Variants in TESC observed in about 807,000 individuals in gnomAD.
TESC encodes the protein tescalcin, also known as calcineurin B homologous protein 3.
Under a neutral mutation model 31.0 loss-of-function variants are expected in TESC, and 19 were observed. The observed-to-expected ratio is 0.61, with a 90% CI of 0.43 to 0.90. TESC has a LOEUF of 0.90. TESC is among the 40% of genes least tolerant of loss of function. The pLI, the probability that TESC is intolerant of heterozygous loss-of-function variation, is 0.00. For missense variants in TESC, 248 were observed against 303.8 expected (o/e 0.82, Z 1.36); for synonymous variants, 109 against 114.8 (o/e 0.95, Z 0.32).
At chr12:117,075,924 T>TGTGTGTATAC (rs1565971709) in intron 1 of TESC, among the ~76,000 whole-genome samples, 1 of 65,044 alleles carries the variant, frequency 1.5e-5, no homozygotes, top group South Asian at 4.6e-4. Context: ...TGTGTGTGTG[T>TGTGTGTATAC]ATATATATAT....
chr12:117,098,929 C>T (rs1350370757), intron 1 of TESC, among the ~76,000 whole-genome samples: 1 of 152,094 alleles, frequency 6.6e-6, no homozygotes, highest in African/African-American at 2.4e-5. Flanking sequence ...GAGGCACCTG[C>T]CCTGCGCTTG....
intron 2 of TESC, among the ~76,000 whole-genome samples, chr12:117,073,966 G>A (rs1316125510): frequency 1.3e-5 from 2 of 152,080 alleles, no homozygotes; most frequent in African/African-American, 4.8e-5. Flanking sequence ...GTACACACCT[G>A]TAGTGCCAGC....
At chr12:117,075,917 G>GTATATATATATATATATATA (rs1565971674) in intron 1 of TESC, among the ~76,000 whole-genome samples, 1 of 76,932 alleles carries the variant, frequency 1.3e-5, no homozygotes, top group African/African-American at 7.1e-5. Context: ...ATATATATGT[G>GTATATATATATATATATATA]TGTGTGTATA....
intron 1 of TESC, among the ~76,000 whole-genome samples, chr12:117,087,654 A>G (rs1324814713): frequency 6.6e-6 from 1 of 152,172 alleles, no homozygotes; most frequent in Non-Finnish European, 1.5e-5. Context: ...TCTGTTCTTT[A>G]CCATGCGCCT....
chr12:117,074,470 A>C (rs755835056), intron 2 of TESC, among the ~76,000 whole-genome samples: 14 of 152,252 alleles, frequency 9.2e-5, no homozygotes, highest in Non-Finnish European at 2.1e-4. Context: ...AAAGATTAAC[A>C]AAACACAATG....
In TESC at chr12:117,099,389, C is replaced by T. The variant is rs971751698; in HGVS notation, c.-107G>A. The T allele has an allele frequency of 3.5e-6, 4 of 1,143,174 alleles. No homozygotes were observed. The highest frequency in any genetic ancestry group is 8.4e-5 in the Admixed American group (2 of 23,822). 70.8% of individuals were successfully genotyped at this position (1,143,174 alleles called of 1,614,324 possible). A position where few individuals can be genotyped will look rare whatever the true frequency, so the allele number is the denominator to read the frequency against. On this transcript the variant is annotated 5_prime_UTR_variant, in exon 1 of 8. Transcript: ENST00000335209. ...TCGGGTCCGGCCTCGGGTCGGGACG[C>T]CGGCGAAGGCTCGGAGCCGCGGGTT...
At chr12:117,065,826 G>A (rs1339460991) in intron 2 of TESC, among the ~76,000 whole-genome samples, 2 of 152,142 alleles carry the variant, frequency 1.3e-5, no homozygotes, top group African/African-American at 4.8e-5. Flanking sequence ...AGGCTGCAGT[G>A]AGCTGAGATC....
At chr12:117,047,816 T>C (rs1000807539) in intron 4 of TESC, among the ~76,000 whole-genome samples, 4 of 152,122 alleles carry the variant, frequency 2.6e-5, no homozygotes, top group Non-Finnish European at 4.4e-5. Flanking sequence ...CTGTAGCTCA[T>C]TGCAGCCTCC....
At chr12:117,092,626 T>G (rs907879257) in intron 1 of TESC, among the ~76,000 whole-genome samples, 2 of 152,064 alleles carry the variant, frequency 1.3e-5, no homozygotes, top group Admixed American at 1.3e-4. Context: ...ACAGGACTGG[T>G]CCTTCCCCCT....
intron 2 of TESC, among the ~76,000 whole-genome samples, chr12:117,071,990 G>A (rs1954980036): frequency 1.3e-5 from 2 of 152,148 alleles, no homozygotes; most frequent in African/African-American, 2.4e-5. Context: ...CAGGTGATTC[G>A]AGCACAGTCA....
intron 1 of TESC, among the ~76,000 whole-genome samples, chr12:117,081,815 A>G (rs991528159): frequency 6.6e-6 from 1 of 152,026 alleles, no homozygotes; most frequent in Non-Finnish European, 1.5e-5. Context: ...GAGGCAGGAG[A>G]ATCACTTGAA....
At position 117,056,696 on chromosome 12, in the gene TESC, C is replaced by G. The variant is rs2270792; in HGVS notation, c.209+110G>C. On this transcript the variant is annotated intron_variant, in intron 3 of 7. Coordinates refer to ENST00000335209, the MANE Select transcript of TESC (RefSeq NM_017899.4). The stretch of plus-strand genomic sequence containing the variant: ...GCTCATAACCCCTACCCAGCTTGGC[C>G]CCCTCTTCTGGGCATCAGCTCAAAG... 23,072 of 1,234,602 alleles carry G rather than the reference C, an allele frequency of 0.019. 1,184 individuals carry two copies. In the East Asian group the frequency reaches 0.21, roughly 11 times the overall value. 76.5% of individuals were successfully genotyped at this position (1,234,602 alleles called of 1,614,324 possible).
At chr12:117,078,557 G>A (rs1183461759) in intron 1 of TESC, among the ~76,000 whole-genome samples, 1 of 151,740 alleles carries the variant, frequency 6.6e-6, no homozygotes, top group African/African-American at 2.4e-5. Context: ...CAAGATGGAG[G>A]AAAAAAAATT....
At chr12:117,096,902 C>T (rs10850758) in intron 1 of TESC, among the ~76,000 whole-genome samples, 18,011 of 152,200 alleles carry the variant, frequency 0.12, 1,090 homozygotes, top group Middle Eastern at 0.19. Context: ...GATTTGCACA[C>T]CCCTGGCTCA....
intron 6 of TESC, among the ~76,000 whole-genome samples, chr12:117,045,115 G>A (rs916086110): frequency 6.6e-6 from 1 of 152,168 alleles, no homozygotes; most frequent in South Asian, 2.1e-4. Flanking sequence ...TTATCTGGCC[G>A]AGGTTTACAC....
chr12:117,063,359 A>G (rs144939680), intron 2 of TESC, among the ~76,000 whole-genome samples: 3,536 of 152,228 alleles, frequency 0.023, 59 homozygotes, highest in African/African-American at 0.049. Context: ...CCCTCAGCCC[A>G]AGAGGCCCCA....
intron 2 of TESC, among the ~76,000 whole-genome samples, chr12:117,074,219 T>G (rs917634178): frequency 2.6e-5 from 4 of 151,706 alleles, no homozygotes; most frequent in African/African-American, 9.7e-5. Context: ...AAATAAAAAA[T>G]TACCTGGGTG....
chr12:117,062,264 C>T (rs183395865), intron 2 of TESC, among the ~76,000 whole-genome samples: 1 of 152,198 alleles, frequency 6.6e-6, no homozygotes, highest in East Asian at 1.9e-4. Context: ...CTCTGCCGCC[C>T]AGGCTGGAGC....
chr12:117,086,126 G>C (rs992328212), intron 1 of TESC, among the ~76,000 whole-genome samples: 1 of 152,190 alleles, frequency 6.6e-6, no homozygotes, highest in Non-Finnish European at 1.5e-5. Context: ...TGGTCGCCAG[G>C]GGCTGGGAGA....
Sources: allele counts gnomAD v4.1 joint callset (sites outside exome capture counted in the v4.1 genomes callset), GRCh38; gene constraint gnomAD v4.1.1; transcripts MANE v1.5; gene names NCBI Gene and HGNC (gene_info 2026-07-23, HGNC 2026-07-21).